Variants in FRMPD4 observed in about 807,000 individuals in gnomAD.
FRMPD4 encodes the protein FERM and PDZ domain containing 4, also known as FERM and PDZ domain-containing protein 4.
In FRMPD4, 22 loss-of-function variants were observed where a neutral mutation model predicts 94.1. The observed-to-expected ratio is 0.23, with a 90% CI of 0.17 to 0.33. The LOEUF (loss-of-function observed/expected upper bound fraction) is 0.33, where lower values mean the gene tolerates loss of function less well. Ranked by LOEUF, FRMPD4 falls within the 10% of genes least tolerant of loss-of-function variation. The pLI, the probability that FRMPD4 is intolerant of heterozygous loss-of-function variation, is 1.00. For synonymous variants in FRMPD4, 631 were observed against 548.6 expected, an observed-to-expected ratio of 1.15 and a Z score of -2.10; for missense variants, 1,111 against 1,339.9, an observed-to-expected ratio of 0.83 and a Z score of 2.67.
chrX:12,234,095 G>C (rs865957771), intron 1 of FRMPD4, among the ~76,000 whole-genome samples: 4 of 111,176 alleles, frequency 3.6e-5, no homozygotes, highest in Admixed American at 2.9e-4. Context: ...TAACCAGCAC[G>C]AGCAAAAATG....
chrX:11,918,485 T>G (rs1205723635), intron 3 of FRMPD4, among the ~76,000 whole-genome samples: 1 of 112,334 alleles, frequency 8.9e-6, no homozygotes, highest in Non-Finnish European at 1.9e-5. Context: ...ATGCCTGTAA[T>G]CCCAGCTTCT....
In FRMPD4 at chrX:12,291,452, C is replaced by T. The variant is rs755103759; in HGVS notation, c.41+152440C>T. On this transcript the variant is annotated intron_variant, in intron 1 of 16. Transcript: ENST00000675598. ...ATGATCTTATCTGTCCTCATGGCTT[C>T]AAATGTCATTTATATGCTAATTACT... 3.6e-5 allele frequency among the ~76,000 whole-genome samples: 4 copies of T among 112,032 alleles called. No homozygotes were observed. The East Asian group carries it at 1.1e-3, about 31-fold the overall frequency.
rs149024925 is a variant in FRMPD4 at position 12,718,968 on chromosome X, A to G, written c.3964+178A>G. ...TGGTATTTAATAAATACTAAAGATT[A>G]TAAAGGTGAAAATGGCATTTGCTCT... On this transcript the variant is annotated intron_variant, in intron 16 of 16. Coordinates refer to ENST00000675598, the MANE Select transcript of FRMPD4 (RefSeq NM_001368397.1). 4.2e-4 allele frequency among the ~76,000 whole-genome samples: 47 copies of G among 112,891 alleles called. No individual in the cohort carries two copies. In the East Asian group the frequency reaches 9.1e-3, roughly 22 times the overall value.
rs182746934 is a variant in FRMPD4, at chrX:12,509,657, C to T, written c.158+10861C>T. Among the ~76,000 whole-genome samples, 302 of 110,743 alleles carry T rather than the reference C, an allele frequency of 2.7e-3. 2 individuals are homozygous for T. Among genetic ancestry groups the T allele is most frequent in the African/African-American group, 9.3e-3 (282 of 30,462 alleles). ...ATGTATACTGCTCGGGTGATGGGTG[C>T]GCCAAAATCTCACAAATCACCACTA... On this transcript the variant is annotated intron_variant, in intron 2 of 16. Coordinates refer to ENST00000675598, the MANE Select transcript of FRMPD4 (RefSeq NM_001368397.1).
intron 9 of FRMPD4, among the ~76,000 whole-genome samples, chrX:12,695,678 C>T (rs758674516): frequency 2.0e-3 from 224 of 111,708 alleles, no homozygotes; most frequent in Middle Eastern, 4.6e-3. Flanking sequence ...GCTGGGATTA[C>T]AGGCGTGAGC....
At chrX:12,005,309 A>G (rs748210645) in intron 3 of FRMPD4, among the ~76,000 whole-genome samples, 75 of 108,155 alleles carry the variant, frequency 6.9e-4, no homozygotes, top group African/African-American at 2.2e-3. Context: ...ATGGTTCCAC[A>G]TGATGATGAT....
intron 1 of FRMPD4, among the ~76,000 whole-genome samples, chrX:12,181,278 T>C (rs2056355317): frequency 8.9e-6 from 1 of 111,848 alleles, no homozygotes. Context: ...ATTCTAGATA[T>C]TAGAAATACA....
At chrX:12,005,132 C>T (rs2054544991) in intron 3 of FRMPD4, among the ~76,000 whole-genome samples, 1 of 111,402 alleles carries the variant, frequency 9.0e-6, no homozygotes, top group Non-Finnish European at 1.9e-5. Flanking sequence ...AAATGTCTTT[C>T]TATGTTATTA....
intron 1 of FRMPD4, among the ~76,000 whole-genome samples, chrX:11,847,910 G>T (rs28690277): frequency 2.3e-5 from 2 of 87,836 alleles, no homozygotes; most frequent in South Asian, 6.2e-4. Context: ...GAGGGTTAGC[G>T]TTAGGAGATA....
chrX:12,707,552 G>A lies in FRMPD4; in HGVS notation c.1371G>A (p.Leu457=), dbSNP rs2041900582. ...ISHVINTKTN[L]VALLADFSHV... ...ATGTCATCAACACCAAAACCAATCTGGTGGCTCTTTTAGCCGACTTTAGCC... is the reference window on the plus strand; with the variant it reads ...ATGTCATCAACACCAAAACCAATCTAGTGGCTCTTTTAGCCGACTTTAGCC... The change falls in exon 13 of 17, where the codon CTG becomes CTA. Residue 457 remains leucine (L), a synonymous_variant. Transcript: ENST00000675598. 1.7e-5 allele frequency: 21 copies of A among 1,209,199 alleles called. No homozygotes were observed. The highest frequency in any genetic ancestry group is 2.2e-5 in the Non-Finnish European group (20 of 893,080).
intron 3 of FRMPD4, among the ~76,000 whole-genome samples, chrX:11,900,298 GGAA>G (rs770312496): frequency 9.0e-6 from 1 of 111,019 alleles, no homozygotes; most frequent in Non-Finnish European, 1.9e-5. Context: ...TTGGTTTAGG[GGAA>G]GAAGACGGAG....
intron 1 of FRMPD4, among the ~76,000 whole-genome samples, chrX:12,226,422 A>AT (rs1426112648): frequency 2.7e-5 from 3 of 111,763 alleles, no homozygotes; most frequent in Admixed American, 1.9e-4. Flanking sequence ...TATCACTTGA[A>AT]TTTTTTTCTA....
At chrX:11,836,113 C>T (rs1023574474) in intron 1 of FRMPD4, among the ~76,000 whole-genome samples, 1 of 110,908 alleles carries the variant, frequency 9.0e-6, no homozygotes, top group Non-Finnish European at 1.9e-5. Flanking sequence ...GAAACCTGTG[C>T]ATGGATTCCT....
At chrX:12,165,481 TGTGATGCCTCCA>T (rs1569176563) in intron 1 of FRMPD4, among the ~76,000 whole-genome samples, 1 of 111,717 alleles carries the variant, frequency 9.0e-6, no homozygotes, top group African/African-American at 3.3e-5. Flanking sequence ...AGTCAGGTAG[TGTGATGCCTCCA>T]GCTTTGTTCT....
intron 6 of FRMPD4, among the ~76,000 whole-genome samples, chrX:12,684,066 G>A (rs964912349): frequency 1.8e-5 from 2 of 112,063 alleles, no homozygotes; most frequent in Non-Finnish European, 3.8e-5. Flanking sequence ...AACTTAAAAC[G>A]ATGGAAAAAT....
chrX:12,640,065 A>G (rs2059480412), intron 4 of FRMPD4, among the ~76,000 whole-genome samples: 1 of 110,610 alleles, frequency 9.0e-6, no homozygotes, highest in Non-Finnish European at 1.9e-5. Context: ...TTGGGAGGCC[A>G]AGGCGGGTGG....
chrX:11,837,498 A>T (rs180846913), intron 1 of FRMPD4, among the ~76,000 whole-genome samples: 2 of 111,610 alleles, frequency 1.8e-5, no homozygotes, highest in East Asian at 5.6e-4. Context: ...AAATAGATTC[A>T]TGTTCAACTA....
chrX:11,927,559 C>T (rs2147349524), intron 3 of FRMPD4, among the ~76,000 whole-genome samples: 1 of 111,541 alleles, frequency 9.0e-6, no homozygotes, highest in East Asian at 2.8e-4. Flanking sequence ...ACCCATAGAC[C>T]AATGGAACAT....
At chrX:11,933,238 G>A (rs942670090) in intron 3 of FRMPD4, among the ~76,000 whole-genome samples, 2 of 112,160 alleles carry the variant, frequency 1.8e-5, no homozygotes, top group South Asian at 3.7e-4. Context: ...TTCATGGATC[G>A]TAAATAAACA....
Sources: gnomAD v4.1 joint callset for allele counts (sites outside exome capture counted in the v4.1 genomes callset) on GRCh38, gnomAD v4.1.1 for gene constraint, MANE v1.5 for transcripts, NCBI Gene and HGNC (gene_info 2026-07-23, HGNC 2026-07-21) for gene names.